The following RANBP2 variants were observed in gnomAD, a reference collection of about 807,000 sequenced individuals.
RANBP2 encodes RAN binding protein 2, also known as E3 SUMO-protein ligase RanBP2.
A neutral mutation model predicts 303.6 loss-of-function variants in RANBP2; 57 were observed. The ratio of observed to expected loss-of-function variants is 0.19; its 90% CI spans 0.15 to 0.23. The LOEUF is 0.23. Among genes scored for constraint, RANBP2 ranks in the 10% least tolerant of loss-of-function variants. The pLI, the probability that RANBP2 is intolerant of heterozygous loss-of-function variation, is 1.00. For synonymous variants in RANBP2, 1,167 were observed against 1,301.5 expected, an observed-to-expected ratio of 0.90 and a Z score of 2.23; for missense variants, 3,138 against 3,780.8, an observed-to-expected ratio of 0.83 and a Z score of 4.46.
chr2:108,918,190 C>T, the RANBP2 span, among the ~76,000 whole-genome samples: 37 of 152,316 alleles, frequency 2.4e-4, no homozygotes, highest in African/African-American at 8.4e-4. Flanking sequence ...CAGGGTGGGG[C>T]GCGAGCCCTG....
the RANBP2 span, among the ~76,000 whole-genome samples, chr2:108,979,526 TG>T: frequency 2.0e-5 from 3 of 150,128 alleles, no homozygotes. Flanking sequence ...GGAGCTGAAG[TG>T]GGGGCTGGAG....
the RANBP2 span, among the ~76,000 whole-genome samples, chr2:109,162,818 T>C: frequency 3.3e-5 from 5 of 152,336 alleles, no homozygotes; most frequent in South Asian, 1.0e-3. Flanking sequence ...ATGAGAATAA[T>C]GTTTAGCCCC....
chr2:109,496,782 AG>A, the RANBP2 span, among the ~76,000 whole-genome samples: 1 of 107,928 alleles, frequency 9.3e-6, no homozygotes, highest in Non-Finnish European at 1.9e-5. Context: ...CATGGCAAAG[AG>A]AAATCAGGTT....
the RANBP2 span, among the ~76,000 whole-genome samples, chr2:109,217,210 A>G: frequency 1.9e-4 from 29 of 152,320 alleles, no homozygotes; most frequent in South Asian, 1.2e-3. Context: ...TCTGTAGACA[A>G]TATTCTGGGA....
chr2:109,099,059 C>T, the RANBP2 span, among the ~76,000 whole-genome samples: 2 of 152,126 alleles, frequency 1.3e-5, no homozygotes, highest in African/African-American at 2.4e-5. Flanking sequence ...TGGCAGAGAC[C>T]ATAATAAGCA....
chr2:109,637,995 A>G, the RANBP2 span, among the ~76,000 whole-genome samples: 4 of 152,220 alleles, frequency 2.6e-5, no homozygotes, highest in Non-Finnish European at 5.9e-5. Flanking sequence ...TGTTGCGACG[A>G]TGCTAGTTTC....
At chr2:109,066,431 G>T in the RANBP2 span, among the ~76,000 whole-genome samples, 2 of 152,038 alleles carry the variant, frequency 1.3e-5, no homozygotes, top group African/African-American at 4.8e-5. Flanking sequence ...ATAAAGGCAT[G>T]CCCTCTCCAT....
chr2:109,610,879 TACAC>T, the RANBP2 span, among the ~76,000 whole-genome samples: 6 of 152,242 alleles, frequency 3.9e-5, no homozygotes, highest in African/African-American at 7.2e-5. Flanking sequence ...TTCTAAAACT[TACAC>T]AGAGAGGCAC....
chr2:109,653,444 A>G, the RANBP2 span, among the ~76,000 whole-genome samples: 2 of 150,876 alleles, frequency 1.3e-5, no homozygotes, highest in Non-Finnish European at 2.9e-5. Flanking sequence ...CCTGTCATGC[A>G]TGACAGGCAC....
At chr2:109,104,548 A>G in the RANBP2 span, among the ~76,000 whole-genome samples, 8 of 151,788 alleles carry the variant, frequency 5.3e-5, no homozygotes, top group Non-Finnish European at 7.4e-5. Context: ...CAGTGGCGCA[A>G]TCTCGGCTCA....
At chr2:108,901,598 T>C in the RANBP2 span, among the ~76,000 whole-genome samples, 2 of 152,062 alleles carry the variant, frequency 1.3e-5, no homozygotes, top group African/African-American at 4.8e-5. Context: ...ATTACCAATA[T>C]CAAGAATGAA....
At chr2:109,467,553 TGGTGG>T in the RANBP2 span, among the ~76,000 whole-genome samples, 2 of 152,204 alleles carry the variant, frequency 1.3e-5, no homozygotes, top group African/African-American at 4.8e-5. Flanking sequence ...ATCGCCCAGA[TGGTGG>T]GGCTGCTGCA....
At chr2:109,393,690 G>A in the RANBP2 span, among the ~76,000 whole-genome samples, 3 of 151,724 alleles carry the variant, frequency 2.0e-5, no homozygotes. Context: ...CTTGTATCGC[G>A]CTCCCAAGCC....
At chr2:109,078,098 A>ATATGGCG in the RANBP2 span, among the ~76,000 whole-genome samples, 13 of 60,046 alleles carry the variant, frequency 2.2e-4, 1 homozygote, top group African/African-American at 1.1e-3. Flanking sequence ...ATATATATAT[A>ATATGGCG]TATATATATA....
chr2:109,109,687 C>T, the RANBP2 span, among the ~76,000 whole-genome samples: 1 of 152,282 alleles, frequency 6.6e-6, no homozygotes, highest in Admixed American at 6.5e-5. Context: ...AATAAGACTT[C>T]ATAAATGTGG....
the RANBP2 span, among the ~76,000 whole-genome samples, chr2:109,203,629 G>A: frequency 6.6e-6 from 1 of 152,074 alleles, no homozygotes; most frequent in Admixed American, 6.5e-5. Context: ...AAGCATCGTG[G>A]CCCTGTCTCT....
chr2:109,495,594 T>C, the RANBP2 span, among the ~76,000 whole-genome samples: 1 of 145,338 alleles, frequency 6.9e-6, no homozygotes, highest in Non-Finnish European at 1.5e-5. Flanking sequence ...ATTTAAGCAA[T>C]TCTTGTGCCC....
the RANBP2 span, among the ~76,000 whole-genome samples, chr2:108,913,100 C>T: frequency 1.3e-5 from 2 of 151,976 alleles, no homozygotes; most frequent in Non-Finnish European, 2.9e-5. Context: ...AGGCACCCAC[C>T]ACCACACCTG....
At chr2:109,179,875 CCTT>C in the RANBP2 span, among the ~76,000 whole-genome samples, 1 of 152,160 alleles carries the variant, frequency 6.6e-6, no homozygotes, top group Non-Finnish European at 1.5e-5. Flanking sequence ...TCAAAGTGCT[CCTT>C]ATCGCAGGAA....
Sources: gnomAD v4.1 joint callset for allele counts (sites outside exome capture counted in the v4.1 genomes callset) on GRCh38, gnomAD v4.1.1 for gene constraint, MANE v1.5 for transcripts, NCBI Gene and HGNC (gene_info 2026-07-23, HGNC 2026-07-21) for gene names.